The following ROR1 variants were observed in gnomAD, a reference collection of about 807,000 sequenced individuals.
The protein encoded by ROR1 is inactive tyrosine-protein kinase transmembrane receptor ROR1.
ROR1 carries 19 observed loss-of-function variants against 78.8 expected under a neutral mutation model. The observed-to-expected ratio is 0.24, with a 90% confidence interval of 0.17 to 0.35. ROR1 has a LOEUF of 0.35. ROR1 is among the 10% of genes least tolerant of loss of function. The pLI is 1.00. For missense variants in ROR1, 917 were observed against 1,177.8 expected (o/e 0.78, Z 3.24); for synonymous variants, 386 against 433.6 (o/e 0.89, Z 1.36).
intron 4 of ROR1, among the ~76,000 whole-genome samples, chr1:64,130,615 T>C (rs1045457434): frequency 6.6e-5 from 10 of 152,304 alleles, no homozygotes; most frequent in Non-Finnish European, 1.3e-4. Context: ...TCCTCCTGGT[T>C]AGCAGTTAAC....
intron 1 of ROR1, among the ~76,000 whole-genome samples, chr1:63,990,489 G>C (rs1015432186): frequency 1.6e-4 from 9 of 56,708 alleles, no homozygotes; most frequent in Non-Finnish European, 3.4e-4. Flanking sequence ...GCAGTTGAAA[G>C]AATTCTGGAT....
intron 1 of ROR1, chr1:63,775,185 G>C (rs1644608297): frequency 1.3e-5 from 2 of 152,150 alleles, no homozygotes; most frequent in Admixed American, 1.3e-4. Context: ...GCGCGCGCGC[G>C]CGCGTGTGTG....
intron 1 of ROR1, among the ~76,000 whole-genome samples, chr1:63,844,282 C>T (rs1645067068): frequency 6.6e-6 from 1 of 152,138 alleles, no homozygotes; most frequent in South Asian, 2.1e-4. Flanking sequence ...TCCCTTTTCA[C>T]CATGGTTAGT....
At chr1:64,090,501 C>A (rs999303482) in intron 4 of ROR1, among the ~76,000 whole-genome samples, 1 of 152,124 alleles carries the variant, frequency 6.6e-6, no homozygotes, top group Non-Finnish European at 1.5e-5. Flanking sequence ...CATACAGCAA[C>A]AATTAAAGAT....
At chr1:63,815,094 G>A (rs1351777195) in intron 1 of ROR1, among the ~76,000 whole-genome samples, 1 of 151,836 alleles carries the variant, frequency 6.6e-6, no homozygotes, top group African/African-American at 2.4e-5. Context: ...TACTGCCTCT[G>A]TTTGTTTTTG....
chr1:64,018,689 C>T (rs376229524), intron 2 of ROR1, among the ~76,000 whole-genome samples: 6 of 152,144 alleles, frequency 3.9e-5, no homozygotes, highest in South Asian at 2.1e-4. Flanking sequence ...AAAAGAACAG[C>T]GTGTCAAGCT....
chr1:63,962,213 T>C (rs1646035414), intron 1 of ROR1, among the ~76,000 whole-genome samples: 1 of 152,158 alleles, frequency 6.6e-6, no homozygotes, highest in South Asian at 2.1e-4. Context: ...TGAGCTGAGA[T>C]TGCACCACTG....
intron 1 of ROR1, among the ~76,000 whole-genome samples, chr1:63,924,556 A>G (rs180851422): frequency 6.6e-6 from 1 of 152,232 alleles, no homozygotes; most frequent in Admixed American, 6.5e-5. Flanking sequence ...CATACAGCCT[A>G]CTGCCTCCCG....
chr1:63,911,700 C>T (rs1233540487), intron 1 of ROR1, among the ~76,000 whole-genome samples: 2 of 151,486 alleles, frequency 1.3e-5, no homozygotes, highest in East Asian at 2.0e-4. Flanking sequence ...TGTGTCATTA[C>T]GTTGTTTGTA....
chr1:64,139,835 T>C (rs1448246755), intron 5 of ROR1, among the ~76,000 whole-genome samples: 2 of 152,064 alleles, frequency 1.3e-5, no homozygotes, highest in Admixed American at 1.3e-4. Context: ...AAATGAAAAA[T>C]ATATTGTACT....
rs61765139 is a variant in ROR1, at chr1:63,877,665, G to A, written c.91+103157G>A. ...ATAGCATTGCTTCTTACAGCAGGCC[G>A]GAGGAGATCTCTATATTTTTCTTTA... is the stretch of plus-strand genomic sequence containing the variant. On this transcript the variant is annotated intron_variant, in intron 1 of 8. Coordinates refer to ENST00000371079, the MANE Select transcript of ROR1 (RefSeq NM_005012.4). Among the ~76,000 whole-genome samples, 1,220 of 152,212 alleles carry A rather than the reference G, an allele frequency of 8.0e-3. 7 individuals carry two copies. Among genetic ancestry groups the A allele is most frequent in the Non-Finnish European group, 0.013 (870 of 68,028 alleles).
At chr1:64,127,051 A>T (rs1368085543) in intron 4 of ROR1, among the ~76,000 whole-genome samples, 2 of 152,174 alleles carry the variant, frequency 1.3e-5, no homozygotes, top group East Asian at 3.8e-4. Context: ...TCAATATTTT[A>T]ACCTAACTAT....
At chr1:63,975,818 G>A (rs1474284528) in intron 1 of ROR1, among the ~76,000 whole-genome samples, 1 of 152,180 alleles carries the variant, frequency 6.6e-6, no homozygotes, top group Admixed American at 6.5e-5. Flanking sequence ...GGAGAGGGGA[G>A]AGAGGCTCCC....
intron 1 of ROR1, among the ~76,000 whole-genome samples, chr1:63,883,684 A>G (rs377351399): frequency 2.5e-4 from 38 of 152,088 alleles, no homozygotes; most frequent in African/African-American, 8.4e-4. Context: ...ACTCTCCATA[A>G]CCCATGTTGT....
At chr1:63,884,808 A>G (rs1645345993) in intron 1 of ROR1, among the ~76,000 whole-genome samples, 1 of 151,950 alleles carries the variant, frequency 6.6e-6, no homozygotes, top group Non-Finnish European at 1.5e-5. Flanking sequence ...TTCTCCGGGA[A>G]AAGTGCCTGA....
At chr1:64,079,542 G>A (rs1255150292) in intron 4 of ROR1, among the ~76,000 whole-genome samples, 3 of 151,430 alleles carry the variant, frequency 2.0e-5, no homozygotes, top group African/African-American at 7.3e-5. Context: ...CGCAGTCTCG[G>A]CTCACTGCAA....
intron 1 of ROR1, among the ~76,000 whole-genome samples, chr1:63,833,960 G>T (rs570246797): frequency 2.7e-5 from 4 of 150,200 alleles, no homozygotes; most frequent in Admixed American, 2.6e-4. Context: ...TTTCCGTCTC[G>T]AGGGCTTTTT....
At chr1:64,109,719 A>G (rs906526786) in intron 4 of ROR1, among the ~76,000 whole-genome samples, 11 of 152,098 alleles carry the variant, frequency 7.2e-5, no homozygotes, top group African/African-American at 2.7e-4. Context: ...TGTAGAGAAC[A>G]GGGTCTCACT....
intron 1 of ROR1, among the ~76,000 whole-genome samples, chr1:63,936,793 A>G (rs938988125): frequency 3.3e-5 from 5 of 152,192 alleles, no homozygotes; most frequent in South Asian, 2.1e-4. Context: ...ATGAAGTTCT[A>G]TGTATAAGAG....
Sources: gnomAD v4.1 joint callset for allele counts (sites outside exome capture counted in the v4.1 genomes callset) on GRCh38, gnomAD v4.1.1 for gene constraint, MANE v1.5 for transcripts, NCBI Gene and HGNC (gene_info 2026-07-23, HGNC 2026-07-21) for gene names.